The following MAPRE1 variants were observed in gnomAD, a reference collection of about 807,000 sequenced individuals.
MAPRE1 encodes microtubule-associated protein RP/EB family member 1.
MAPRE1 carries 5 observed loss-of-function variants against 32.1 expected under a neutral mutation model. The observed-to-expected ratio is 0.16, with a 90% CI of 0.08 to 0.33. The LOEUF is 0.33. Among genes scored for constraint, MAPRE1 ranks in the 10% least tolerant of loss-of-function variants. The probability of loss-of-function intolerance (pLI) is 1.00; values close to 1 mark genes in which losing one functional copy is unlikely to be tolerated. For missense variants in MAPRE1, 209 were observed against 327.2 expected (o/e 0.64, Z 2.79); for synonymous variants, 122 against 118.9 (o/e 1.03, Z -0.17).
chr20:32,844,500 C>T (rs1176781707), intron 5 of MAPRE1, among the ~76,000 whole-genome samples: 2 of 125,168 alleles, frequency 1.6e-5, no homozygotes, highest in African/African-American at 3.0e-5. Flanking sequence ...CTGCAACTTC[C>T]GCCTCCCGGG....
At chr20:32,836,276 C>T (rs1424392022) in intron 3 of MAPRE1, among the ~76,000 whole-genome samples, 2 of 152,226 alleles carry the variant, frequency 1.3e-5, no homozygotes, top group African/African-American at 2.4e-5. Flanking sequence ...TTGTGATAGG[C>T]ATTGTGGCCA....
intron 2 of MAPRE1, among the ~76,000 whole-genome samples, chr20:32,831,361 ATTCT>A (rs938977147): frequency 7.2e-5 from 11 of 152,030 alleles, no homozygotes; most frequent in African/African-American, 2.4e-4. Context: ...TATGTAATTG[ATTCT>A]TTCTCTTTTT....
At chr20:32,821,170 C>T (rs959236259) in intron 1 of MAPRE1, among the ~76,000 whole-genome samples, 4 of 152,186 alleles carry the variant, frequency 2.6e-5, no homozygotes, top group African/African-American at 9.6e-5. Context: ...CGCGCGCCAC[C>T]AAGCCCGGCT....
At chr20:32,836,949 T>A (rs750726045) in intron 4 of MAPRE1, 108 bp downstream of exon 4, 12 of 981,510 alleles carry the variant, frequency 1.2e-5, no homozygotes, top group Non-Finnish European at 1.6e-5. Flanking sequence ...TCTTAAGAAA[T>A]ATAATCCCAG....
chr20:32,827,989 C>T (rs535494280), intron 2 of MAPRE1, among the ~76,000 whole-genome samples: 1 of 150,620 alleles, frequency 6.6e-6, no homozygotes, highest in Admixed American at 6.6e-5. Context: ...TAGCTGGGTC[C>T]TAGTCTCGGT....
rs1983105671 is a variant in MAPRE1 at position 32,833,739 on chromosome 20, G to T, written c.144G>T (p.Met48Ile). ...CAGGGGCTGCGTATTGTCAGTTTAT[G>T]GACATGCTGTTCCCTGGCTCCATTG... ...LCSGAAYCQF[M>I]DMLFPGSIAL... The change falls in exon 3 of 7, where the codon ATG becomes ATT. Residue 48 changes from methionine to isoleucine, a missense_variant. Around this residue, in one of 3 missense-constraint regions of MAPRE1, gnomAD observed 67 missense variants for 140.0 expected, o/e 0.48. Transcript: ENST00000375571. 1.2e-6 allele frequency: 2 copies of T among 1,613,346 alleles called. No homozygotes were observed. Among genetic ancestry groups the T allele is most frequent in the South Asian group, 2.2e-5 (2 of 91,034 alleles).
intron 2 of MAPRE1, among the ~76,000 whole-genome samples, chr20:32,831,963 A>C (rs1983040314): frequency 6.6e-6 from 1 of 151,846 alleles, no homozygotes; most frequent in East Asian, 1.9e-4. Context: ...AAAAAAAAAA[A>C]ACAAAAGAAT....
chr20:32,823,556 A>G (rs1056742708), intron 1 of MAPRE1, among the ~76,000 whole-genome samples: 1 of 152,074 alleles, frequency 6.6e-6, no homozygotes, highest in African/African-American at 2.4e-5. Context: ...TCTGTTCTCT[A>G]CTAGTAGTCA....
intron 6 of MAPRE1, among the ~76,000 whole-genome samples, chr20:32,848,165 C>A (rs1009469756): frequency 1.3e-5 from 2 of 151,658 alleles, no homozygotes; most frequent in South Asian, 2.1e-4. Context: ...GCCTCGACCC[C>A]GCTGGGGAGT....
chr20:32,831,894 GT>G (rs1464718259), intron 2 of MAPRE1, among the ~76,000 whole-genome samples: 2 of 146,450 alleles, frequency 1.4e-5, no homozygotes, highest in Non-Finnish European at 3.0e-5. Context: ...TGTGGATATA[GT>G]TGCTGAATAG....
chr20:32,830,214 C>T (rs2146125975), intron 2 of MAPRE1, among the ~76,000 whole-genome samples: 1 of 152,204 alleles, frequency 6.6e-6, no homozygotes, highest in African/African-American at 2.4e-5. Context: ...CCTTTCTCCT[C>T]AGCTTAATGT....
intron 2 of MAPRE1, among the ~76,000 whole-genome samples, chr20:32,831,518 C>A (rs1353812523): frequency 6.8e-6 from 1 of 146,280 alleles, no homozygotes; most frequent in African/African-American, 2.5e-5. Context: ...ATTCATAAGT[C>A]ATTGTCTCTT....
chr20:32,825,184 A>G (rs1476527592), intron 1 of MAPRE1, among the ~76,000 whole-genome samples: 1 of 146,408 alleles, frequency 6.8e-6, no homozygotes, highest in Non-Finnish European at 1.5e-5. Flanking sequence ...CAAACAAACA[A>G]AAAACCATTA....
At chr20:32,832,466 C>CTT (rs34257028) in intron 2 of MAPRE1, among the ~76,000 whole-genome samples, 13 of 130,644 alleles carry the variant, frequency 1.0e-4, no homozygotes, top group East Asian at 4.3e-4. Context: ...ACAGTAGTCT[C>CTT]TTTTTTTTTT....
chr20:32,820,248 G>T (rs1281186272), intron 1 of MAPRE1, among the ~76,000 whole-genome samples: 3 of 111,242 alleles, frequency 2.7e-5, no homozygotes, highest in Non-Finnish European at 5.3e-5. Context: ...TCTCGGGCCG[G>T]AAGTGGGCTG....
chr20:32,847,965 G>T (rs1983549222), intron 6 of MAPRE1, among the ~76,000 whole-genome samples: 1 of 152,148 alleles, frequency 6.6e-6, no homozygotes, highest in South Asian at 2.1e-4. Flanking sequence ...TAAAAGGAAA[G>T]CTGGCTGCAT....
chr20:32,840,314 C>A (rs1402921564), intron 5 of MAPRE1, among the ~76,000 whole-genome samples: 1 of 151,922 alleles, frequency 6.6e-6, no homozygotes, highest in Admixed American at 6.6e-5. Flanking sequence ...TTGGGTGATT[C>A]GAAATGTCTT....
At chr20:32,835,302 T>C (rs993053180) in intron 3 of MAPRE1, among the ~76,000 whole-genome samples, 39 of 151,722 alleles carry the variant, frequency 2.6e-4, no homozygotes, top group African/African-American at 9.5e-4. Flanking sequence ...TCTTGTATAA[T>C]AGAAATACTT....
chr20:32,826,236 T>TTTTTTTGA (rs1491215602), intron 2 of MAPRE1, among the ~76,000 whole-genome samples, 188 bp downstream of exon 2: 2 of 104,936 alleles, frequency 1.9e-5, no homozygotes, highest in African/African-American at 8.0e-5. Context: ...TTTTTTTTTT[T>TTTTTTTGA]GACAGAGTCT....
Sources: allele counts gnomAD v4.1 joint callset (sites outside exome capture counted in the v4.1 genomes callset), GRCh38; gene constraint gnomAD v4.1.1; regional missense constraint gnomAD v4.1.1; transcripts MANE v1.5; gene names NCBI Gene and HGNC (gene_info 2026-07-23, HGNC 2026-07-21).